CTXN3: variants seen among roughly 807,000 people sequenced by gnomAD.
CTXN3 encodes cortexin-3.
Under a neutral mutation model 5.0 loss-of-function variants are expected in CTXN3, and 4 were observed. That is an observed-to-expected ratio of 0.79 (90% CI 0.39 to 1.82). CTXN3 has a LOEUF of 1.82. Among genes scored for constraint, CTXN3 ranks in the 40% most tolerant of loss-of-function variants. The pLI is 0.04. For synonymous variants in CTXN3, 48 were observed against 38.6 expected (o/e 1.24, Z -0.91); for missense variants, 89 against 99.7 (o/e 0.89, Z 0.46).
intron 1 of CTXN3, 172 bp from the exon 2 acceptor site, chr5:127,653,145 A>G (rs1749820376): frequency 6.6e-6 from 1 of 152,218 alleles, no homozygotes; most frequent in African/African-American, 2.4e-5. Flanking sequence ...GCAAGTGACT[A>G]AGAGTGTGAA....
chr5:127,651,739 T>C (rs1050423165), intron 1 of CTXN3: 1 of 151,934 alleles, frequency 6.6e-6, no homozygotes, highest in Non-Finnish European at 1.5e-5. Flanking sequence ...GGCTCTTGAG[T>C]TGATGACCTG....
Position 127,657,574 on chromosome 5 carries a change from C to T in CTXN3, c.53C>T (p.Ser18Leu), listed in dbSNP as rs755363027. 6.2e-7 allele frequency: 1 copy of T among 1,614,094 alleles called. No individual in the cohort carries two copies. Among genetic ancestry groups the T allele is most frequent in the Non-Finnish European group, 8.5e-7 (1 of 1,179,966 alleles). ...PSSLVPLGNE[S>L]ADSSMSLEQK... ...TCCCTAGTGCCCCTTGGGAACGAAT[C>T]AGCAGATTCTAGCATGTCCCTGGAG... Residue 18 changes from serine to leucine, a missense_variant, in exon 3 of 3, where the codon TCA (serine) becomes TTA (leucine). Ser to Leu is a moderately radical substitution (Grantham distance 145, BLOSUM62 -2). Transcript: ENST00000379445.
chr5:127,657,193 G>A (rs982199322), intron 2 of CTXN3, among the ~76,000 whole-genome samples: 11 of 152,238 alleles, frequency 7.2e-5, no homozygotes, highest in Admixed American at 4.6e-4. Context: ...TATTATAGTC[G>A]TATTCCCTGC....
At chr5:127,650,704 G>T (rs1749767709) in intron 1 of CTXN3, among the ~76,000 whole-genome samples, 1 of 152,222 alleles carries the variant, frequency 6.6e-6, no homozygotes, top group Non-Finnish European at 1.5e-5. Flanking sequence ...ATTTCTAAAA[G>T]ATTTGTAGGG....
At chr5:127,654,466 T>C (rs1274078878) in intron 2 of CTXN3, among the ~76,000 whole-genome samples, 1 of 152,218 alleles carries the variant, frequency 6.6e-6, no homozygotes, top group Non-Finnish European at 1.5e-5. Context: ...GGCATCCTCG[T>C]GCAGAATCTG....
chr5:127,657,531 G>A lies in CTXN3; in HGVS notation c.10G>A (p.Gly4Arg), dbSNP rs1485831970. Reference sequence around the variant, plus strand: ...CTGGCTTCCCTGGACCATGGATGGAGGACAGCCCATCCCCTCATCCCTAGT... The same window carrying A: ...CTGGCTTCCCTGGACCATGGATGGAAGACAGCCCATCCCCTCATCCCTAGT... The part of the protein sequence containing the change: MDG[G>R]QPIPSSLVPL... Residue 4 changes from glycine (G) to arginine (R), a missense_variant, in exon 3 of 3, where the codon GGA becomes AGA. By Grantham distance (125) the Gly-to-Arg change is moderately radical (BLOSUM62 -2). Coordinates refer to ENST00000379445, the MANE Select transcript of CTXN3 (RefSeq NM_001048252.3). 4 of 1,613,846 alleles carry A rather than the reference G, an allele frequency of 2.5e-6. No homozygotes were observed. Among genetic ancestry groups the A allele is most frequent in the East Asian group, 2.2e-5 (1 of 44,900 alleles).
intron 2 of CTXN3, among the ~76,000 whole-genome samples, chr5:127,654,310 A>G (rs1171435605): frequency 2.0e-5 from 3 of 152,208 alleles, no homozygotes; most frequent in Admixed American, 2.0e-4. Flanking sequence ...TTTGGTGATG[A>G]AGACATTGGA....
At chr5:127,651,750 T>A (rs1749791093) in intron 1 of CTXN3, 1 of 151,994 alleles carries the variant, frequency 6.6e-6, no homozygotes, top group South Asian at 2.1e-4. Context: ...TGATGACCTG[T>A]AGAATCAAGT....
At position 127,656,791 on chromosome 5, in the gene CTXN3, G is replaced by T. The variant is rs369834120; in HGVS notation, c.-99-632G>T. 1.4e-4 allele frequency among the ~76,000 whole-genome samples: 21 copies of T among 152,258 alleles called. No homozygotes were observed. In the South Asian group the frequency reaches 2.3e-3, roughly 17 times the overall value. ...TCCTTATTACAGCACCATGAAAGAT[G>T]CAGGCATTGCTACTTGCATTTTTAC... On this transcript the variant is annotated intron_variant, in intron 2 of 2. Transcript: ENST00000379445.
At chr5:127,651,651 TC>T (rs1749789512) in intron 1 of CTXN3, 1 of 151,968 alleles carries the variant, frequency 6.6e-6, no homozygotes, top group Non-Finnish European at 1.5e-5. Flanking sequence ...ACTTATCAAA[TC>T]CCCACTATGT....
intron 2 of CTXN3, among the ~76,000 whole-genome samples, chr5:127,654,348 C>T (rs1272697735): frequency 6.6e-6 from 1 of 152,136 alleles, no homozygotes; most frequent in Non-Finnish European, 1.5e-5. Context: ...TTTTAGGAGG[C>T]TTCTCAATGC....
rs747430809 is a variant in CTXN3 at position 127,657,786 on chromosome 5, T to C, written c.*19T>C. ...TGCTTAGGAGGGATGGTGTGGGATC[T>C]CCTCCTGAGGAGATGAAGTGCTTTG... On this transcript the variant is annotated 3_prime_UTR_variant, in exon 3 of 3. Transcript: ENST00000379445. 1 of 1,613,810 alleles carries C rather than the reference T, an allele frequency of 6.2e-7. No individual in the cohort carries two copies. Among genetic ancestry groups the C allele is most frequent in the Admixed American group, 1.7e-5 (1 of 60,006 alleles).
intron 2 of CTXN3, among the ~76,000 whole-genome samples, chr5:127,656,128 A>G: frequency 6.6e-6 from 1 of 152,100 alleles, no homozygotes; most frequent in South Asian, 2.1e-4. Flanking sequence ...GTCCGTGTTA[A>G]TTTCCGTAGC....
intron 1 of CTXN3, among the ~76,000 whole-genome samples, chr5:127,650,413 G>T (rs1749761007): frequency 6.6e-6 from 1 of 152,076 alleles, no homozygotes; most frequent in Non-Finnish European, 1.5e-5. Context: ...TTTACCCTTA[G>T]CCCCCCTTTG....
At chr5:127,653,147 G>C (rs1937050296) in intron 1 of CTXN3, 170 bp from the exon 2 acceptor site, 1 of 152,206 alleles carries the variant, frequency 6.6e-6, no homozygotes, top group African/African-American at 2.4e-5. Flanking sequence ...AAGTGACTAA[G>C]AGTGTGAATG....
chr5:127,657,699 C>T lies in CTXN3; in HGVS notation c.178C>T (p.Pro60Ser), dbSNP rs770846381. 2 of 1,614,132 alleles carry T rather than the reference C, an allele frequency of 1.2e-6. No individual in the cohort carries two copies. The highest frequency in any genetic ancestry group is 2.2e-5 in the East Asian group (1 of 44,880). The change falls in exon 3 of 3, where the codon CCA becomes TCA. Residue 60 changes from proline (P) to serine (S), a missense_variant. Transcript: ENST00000379445. ...RILLDPYRSM[P>S]TSTWADGLEG... ...TCTTTTGGATCCATATCGAAGCATG[C>T]CAACCTCTACCTGGGCTGATGGACT...
chr5:127,652,463 A>G (rs1485205834), intron 1 of CTXN3: 1 of 152,194 alleles, frequency 6.6e-6, no homozygotes, highest in Non-Finnish European at 1.5e-5. Context: ...TAAGGAGGAG[A>G]TAAACACTGT....
chr5:127,651,472 T>C (rs1580995167), intron 1 of CTXN3, among the ~76,000 whole-genome samples: 1 of 152,294 alleles, frequency 6.6e-6, no homozygotes, highest in South Asian at 2.1e-4. Context: ...CATTTGGCGT[T>C]GGGGTGGTAG....
chr5:127,652,143 G>A (rs904169735), intron 1 of CTXN3: 11 of 152,162 alleles, frequency 7.2e-5, no homozygotes, highest in Admixed American at 5.2e-4. Flanking sequence ...CGGAGGCCAA[G>A]GAAAATTTAA....
Sources: gnomAD v4.1 joint callset for allele counts (sites outside exome capture counted in the v4.1 genomes callset) on GRCh38, gnomAD v4.1.1 for gene constraint, MANE v1.5 for transcripts, NCBI Gene and HGNC (gene_info 2026-07-23, HGNC 2026-07-21) for gene names.